HNF4A: variants seen among roughly 807,000 people sequenced by gnomAD.
HNF4A encodes hepatocyte nuclear factor 4 alpha, also known as hepatocyte nuclear factor 4-alpha.
Under a neutral mutation model 52.4 loss-of-function variants are expected in HNF4A, and 15 were observed. The observed-to-expected ratio is 0.29, with a 90% CI of 0.19 to 0.44. HNF4A has a LOEUF of 0.44. HNF4A is among the 20% of genes least tolerant of loss of function. HNF4A has a pLI of 1.00. For synonymous variants in HNF4A, 280 were observed against 264.4 expected, an observed-to-expected ratio of 1.06 and a Z score of -0.57; for missense variants, 479 against 647.2, an observed-to-expected ratio of 0.74 and a Z score of 2.82.
At chr20:44,383,829 C>T (rs552022527) in intron 1 of HNF4A, among the ~76,000 whole-genome samples, 28 of 151,158 alleles carry the variant, frequency 1.9e-4, no homozygotes, top group Admixed American at 7.3e-4. Flanking sequence ...GCTGGGATTA[C>T]AGGCATGAGC....
intron 3 of HNF4A, 50 bp downstream of exon 3, chr20:44,407,525 C>G (rs779512030): frequency 1.6e-6 from 2 of 1,235,572 alleles, no homozygotes; most frequent in Admixed American, 3.9e-5. Context: ...CCTGCACCCA[C>G]AGCTCCCCGA....
intron 1 of HNF4A, among the ~76,000 whole-genome samples, chr20:44,365,843 C>T (rs1394785807): frequency 6.6e-6 from 1 of 151,980 alleles, no homozygotes; most frequent in African/African-American, 2.4e-5. Context: ...CCCACCTCTA[C>T]AAAAAACACA....
At chr20:44,424,389 G>A (rs1192626040) in intron 8 of HNF4A, 135 bp downstream of exon 8, 1 of 1,451,126 alleles carries the variant, frequency 6.9e-7, no homozygotes, top group South Asian at 1.2e-5. Flanking sequence ...ACCTGTCTGT[G>A]CCTCAGTTTC....
At chr20:44,390,713 A>G (rs2063292394) in intron 1 of HNF4A, 1 of 699,830 alleles carries the variant, frequency 1.4e-6, no homozygotes, top group East Asian at 2.7e-5. Flanking sequence ...CCTGGAAGGA[A>G]GGATGGGATG....
chr20:44,430,860 GAC>G lies in HNF4A; in HGVS notation c.*1197_*1198del, dbSNP rs1423750410. On this transcript the variant is annotated 3_prime_UTR_variant, in exon 10 of 10. Transcript: ENST00000316099. ...GATGGGTAAACCCTCACATCAGAGT[GAC>G]ATCCAGGAGGAATAAGCTCCCAGGG... 1 of 152,342 alleles carries G rather than the reference GAC, an allele frequency of 6.6e-6. No homozygotes were observed. The highest frequency in any genetic ancestry group is 1.5e-5 in the Non-Finnish European group (1 of 68,136). 9.4% of individuals were successfully genotyped at this position (152,342 alleles called of 1,614,324 possible). A position where few individuals can be genotyped will look rare whatever the true frequency, so the allele number is the denominator to read the frequency against.
At chr20:44,356,173 C>G (rs2062855475) in intron 1 of HNF4A, among the ~76,000 whole-genome samples, 1 of 152,168 alleles carries the variant, frequency 6.6e-6, no homozygotes, top group Non-Finnish European at 1.5e-5. Flanking sequence ...GGCTTGGAAG[C>G]ACCGTCCTGT....
intron 8 of HNF4A, 200 bp downstream of exon 8, chr20:44,424,454 C>T: frequency 9.7e-7 from 1 of 1,034,546 alleles, no homozygotes; most frequent in Non-Finnish European, 1.5e-6. Flanking sequence ...CACCGAGAAC[C>T]TAGCACGTGC....
chr20:44,401,855 G>A (rs957637985), intron 1 of HNF4A, among the ~76,000 whole-genome samples: 3 of 152,102 alleles, frequency 2.0e-5, no homozygotes, highest in Admixed American at 6.5e-5. Context: ...CGGCCCCTTC[G>A]TGAACCCCTT....
chr20:44,401,070 C>G (rs987762930), upstream of HNF4A, among the ~76,000 whole-genome samples: 5 of 151,932 alleles, frequency 3.3e-5, 1 homozygote, highest in African/African-American at 1.2e-4. Flanking sequence ...AGTTAGGGCC[C>G]CAGCAGTTGT....
upstream of HNF4A, among the ~76,000 whole-genome samples, chr20:44,396,770 A>G (rs2063356960): frequency 6.6e-6 from 1 of 152,178 alleles, no homozygotes; most frequent in Non-Finnish European, 1.5e-5. Context: ...ATCCCTACAA[A>G]GAAGGTATCA....
chr20:44,397,557 A>G (rs543998565), upstream of HNF4A, among the ~76,000 whole-genome samples: 3 of 152,180 alleles, frequency 2.0e-5, no homozygotes, highest in Admixed American at 2.0e-4. Flanking sequence ...TATAAGAACT[A>G]GATCTTATTC....
Position 44,427,015 on chromosome 20 carries a change from A to G in HNF4A, c.1130-1320A>G, listed in dbSNP as rs545037155. ...GACAAGGCGAGGGTGAGGTTTCTCA[A>G]CATTGGTACTATTGATACTTGGAAC... On this transcript the variant is annotated intron_variant, in intron 8 of 9. Coordinates refer to ENST00000316099, the MANE Select transcript of HNF4A (RefSeq NM_000457.6). 7.0e-4 allele frequency among the ~76,000 whole-genome samples: 106 copies of G among 152,312 alleles called. No individual in the cohort carries two copies. The Middle Eastern group carries it at 0.01, about 15-fold the overall frequency.
At chr20:44,402,945 C>T (rs1478039377) in intron 1 of HNF4A, among the ~76,000 whole-genome samples, 2 of 152,350 alleles carry the variant, frequency 1.3e-5, no homozygotes, top group East Asian at 3.9e-4. Context: ...GTCACCTCCC[C>T]TATCCTGGCT....
chr20:44,403,860 C>A (rs2063445067), intron 1 of HNF4A, among the ~76,000 whole-genome samples: 1 of 152,196 alleles, frequency 6.6e-6, no homozygotes, highest in Admixed American at 6.5e-5. Flanking sequence ...AGCTGACAGC[C>A]CCCAGCCCAT....
At chr20:44,396,707 T>A (rs936591598), upstream of HNF4A, among the ~76,000 whole-genome samples, 13 of 152,226 alleles carry the variant, frequency 8.5e-5, no homozygotes, top group African/African-American at 3.1e-4. Flanking sequence ...CCAATGACAG[T>A]GATTGCTACT....
intron 1 of HNF4A, among the ~76,000 whole-genome samples, chr20:44,402,221 T>C (rs2063419654): frequency 6.6e-6 from 1 of 151,726 alleles, no homozygotes; most frequent in Admixed American, 6.6e-5. Flanking sequence ...TTGCCCGTGT[T>C]GATCTTGCTT....
At chr20:44,358,442 T>G (rs890002584) in intron 1 of HNF4A, among the ~76,000 whole-genome samples, 5 of 151,692 alleles carry the variant, frequency 3.3e-5, no homozygotes, top group East Asian at 1.9e-4. Flanking sequence ...AAACCCCGTC[T>G]CTACTAAAAA....
intron 6 of HNF4A, among the ~76,000 whole-genome samples, chr20:44,419,075 C>A (rs1015281541): frequency 2.6e-5 from 4 of 152,146 alleles, no homozygotes; most frequent in Non-Finnish European, 4.4e-5. Flanking sequence ...CGCGCCTGGC[C>A]TACCTGTGCA....
intron 7 of HNF4A, 111 bp from the exon 8 acceptor site, chr20:44,423,907 A>T: frequency 1.0e-6 from 1 of 970,102 alleles, no homozygotes; most frequent in Non-Finnish European, 1.6e-6. Context: ...TTGTGCCCAC[A>T]CTGCTGAAGA....
Sources: allele counts gnomAD v4.1 joint callset (sites outside exome capture counted in the v4.1 genomes callset), GRCh38; gene constraint gnomAD v4.1.1; transcripts MANE v1.5; gene names NCBI Gene and HGNC (gene_info 2026-07-23, HGNC 2026-07-21).